The following DOCK8 variants were observed in gnomAD, a reference collection of about 807,000 sequenced individuals.
DOCK8 encodes dedicator of cytokinesis protein 8.
DOCK8 carries 141 observed loss-of-function variants against 245.6 expected under a neutral mutation model. That is an observed-to-expected ratio of 0.57 (90% CI 0.50 to 0.66). DOCK8 has a LOEUF of 0.66. DOCK8 is among the 30% of genes least tolerant of loss of function. The pLI, the probability that DOCK8 is intolerant of heterozygous loss-of-function variation, is 0.00. For missense variants in DOCK8, 2,965 were observed against 2,603.4 expected (o/e 1.14, Z -3.02); for synonymous variants, 1,168 against 970.2 (o/e 1.20, Z -3.79).
chr9:231,585 G>C (rs1438685313), intron 1 of DOCK8, among the ~76,000 whole-genome samples: 4 of 152,038 alleles, frequency 2.6e-5, no homozygotes, highest in Non-Finnish European at 5.9e-5. Flanking sequence ...ATTGAGCAGT[G>C]GTTTGTAGTT....
intron 5 of DOCK8, among the ~76,000 whole-genome samples, chr9:306,847 G>A (rs768924646): frequency 1.3e-5 from 2 of 152,202 alleles, no homozygotes; most frequent in Non-Finnish European, 2.9e-5. Flanking sequence ...AAGCTCAGAA[G>A]AGGAGCCTGA....
chr9:342,305 T>C (rs1336456597), intron 14 of DOCK8, among the ~76,000 whole-genome samples: 51 of 130,610 alleles, frequency 3.9e-4, no homozygotes, highest in African/African-American at 1.1e-3. Flanking sequence ...TTCTTTTTTT[T>C]TTTTTTTTTG....
At chr9:233,209 G>T (rs2047160334) in intron 1 of DOCK8, among the ~76,000 whole-genome samples, 1 of 152,128 alleles carries the variant, frequency 6.6e-6, no homozygotes, top group South Asian at 2.1e-4. Context: ...GAGCGGTTTT[G>T]AGTGAGTTTC....
chr9:449,116 C>T (rs7025590), intron 44 of DOCK8, among the ~76,000 whole-genome samples: 104,996 of 151,612 alleles, frequency 0.69, 37,931 homozygotes, highest in East Asian at 0.99. Flanking sequence ...TTTGGGAGGC[C>T]GAGGCAGGGG....
At chr9:449,161 G>C (rs10739057) in intron 44 of DOCK8, among the ~76,000 whole-genome samples, 1 of 151,916 alleles carries the variant, frequency 6.6e-6, no homozygotes, top group Non-Finnish European at 1.5e-5. Flanking sequence ...GACCAGCCTG[G>C]CCAACATAGA....
intron 6 of DOCK8, among the ~76,000 whole-genome samples, chr9:315,040 A>G (rs2050283147): frequency 6.6e-6 from 1 of 152,164 alleles, no homozygotes; most frequent in Non-Finnish European, 1.5e-5. Context: ...TCCAAATTAT[A>G]GAAAAGTTTG....
At chr9:286,676 C>T (rs944562031) in intron 3 of DOCK8, 40 bp downstream of exon 3, 8 of 1,601,736 alleles carry the variant, frequency 5.0e-6, no homozygotes, top group Non-Finnish European at 6.0e-6. Context: ...TTGGGATTGT[C>T]ATGATTGTTT....
intron 46 of DOCK8, chr9:452,904 T>G (rs1317666646): frequency 6.6e-6 from 1 of 152,220 alleles, no homozygotes; most frequent in Non-Finnish European, 1.5e-5. Flanking sequence ...TTGGGTCTCC[T>G]ATGGTCCTAA....
intron 26 of DOCK8, among the ~76,000 whole-genome samples, chr9:402,414 C>T (rs1295501482): frequency 6.7e-6 from 1 of 149,514 alleles, no homozygotes; most frequent in Non-Finnish European, 1.5e-5. Flanking sequence ...ATTTCCTCAT[C>T]TGCAAAAAAA....
chr9:434,375 A>G (rs1234840190), intron 38 of DOCK8, among the ~76,000 whole-genome samples: 3 of 152,312 alleles, frequency 2.0e-5, no homozygotes, highest in Non-Finnish European at 2.9e-5. Context: ...TTGGTCTTCC[A>G]GTCCTTGTTC....
At position 410,444 on chromosome 9, in the gene DOCK8, C is replaced by T. The variant is rs138821144; in HGVS notation, c.3530+3375C>T. On this transcript the variant is annotated intron_variant, in intron 28 of 47. Transcript: ENST00000432829. The stretch of plus-strand genomic sequence containing the variant: ...TCCTTTGTCTACTATAATTTCTCTT[C>T]TGTAAATTGACATTTGGGCTGCTTT... Among the ~76,000 whole-genome samples the T allele has an allele frequency of 4.2e-3, 645 of 152,164 alleles. 4 individuals carry two copies. The highest frequency in any genetic ancestry group is 0.015 in the African/African-American group (618 of 41,488).
chr9:355,265 A>G (rs1279595373), intron 14 of DOCK8, among the ~76,000 whole-genome samples: 13 of 138,934 alleles, frequency 9.4e-5, no homozygotes, highest in Admixed American at 6.5e-4. Flanking sequence ...GTGCAGTGGC[A>G]CAATCTCAGC....
intron 1 of DOCK8, among the ~76,000 whole-genome samples, chr9:234,948 G>A (rs1293930572): frequency 7.9e-5 from 12 of 152,258 alleles, no homozygotes; most frequent in African/African-American, 2.4e-4. Flanking sequence ...GAGGAGCTGC[G>A]TTCCTTTGCA....
intron 2 of DOCK8, 23 bp from the exon 3 acceptor site, chr9:286,438 T>G: frequency 6.2e-7 from 1 of 1,612,604 alleles, no homozygotes; most frequent in Non-Finnish European, 8.5e-7. Flanking sequence ...AGAACCTCCT[T>G]TTCCTTTTCC....
At chr9:333,490 T>A (rs527294135) in intron 10 of DOCK8, among the ~76,000 whole-genome samples, 17 of 152,006 alleles carry the variant, frequency 1.1e-4, no homozygotes, top group South Asian at 4.2e-4. Flanking sequence ...ATTCCCAGCT[T>A]CTCAGGAGGC....
chr9:346,962 T>C (rs2077851517), intron 14 of DOCK8, among the ~76,000 whole-genome samples: 1 of 152,096 alleles, frequency 6.6e-6, no homozygotes, highest in Non-Finnish European at 1.5e-5. Context: ...TCCAAGGAAA[T>C]AGGTTCCCAG....
intron 28 of DOCK8, among the ~76,000 whole-genome samples, chr9:413,016 C>G (rs1219331696): frequency 1.3e-5 from 2 of 152,058 alleles, no homozygotes; most frequent in East Asian, 3.9e-4. Context: ...AAACTTACTA[C>G]AAAGCAAAAG....
chr9:450,852 T>C (rs75341393), intron 45 of DOCK8, among the ~76,000 whole-genome samples: 2 of 151,334 alleles, frequency 1.3e-5, no homozygotes, highest in African/African-American at 2.4e-5. Flanking sequence ...CCAGCAGTTA[T>C]GCAAAATGAT....
chr9:400,970 T>TCACCA (rs2055034223), intron 26 of DOCK8, among the ~76,000 whole-genome samples: 1 of 89,344 alleles, frequency 1.1e-5, no homozygotes, highest in African/African-American at 4.0e-5. Context: ...CACCACCTCC[T>TCACCA]CCACCATCAC....
Sources: allele counts gnomAD v4.1 joint callset (sites outside exome capture counted in the v4.1 genomes callset), GRCh38; gene constraint gnomAD v4.1.1; transcripts MANE v1.5; gene names NCBI Gene and HGNC (gene_info 2026-07-23, HGNC 2026-07-21).